PRKN: variants seen among roughly 807,000 people sequenced by gnomAD.
The protein encoded by PRKN is parkin RBR E3 ubiquitin protein ligase.
PRKN carries 56 observed loss-of-function variants against 59.5 expected under a neutral mutation model. That is an observed-to-expected ratio of 0.94 (90% CI 0.76 to 1.18). The LOEUF (loss-of-function observed/expected upper bound fraction) is 1.18. Among genes scored for constraint, PRKN ranks in the 50% most tolerant of loss-of-function variants. The pLI is 0.00. For missense variants in PRKN, 657 were observed against 596.4 expected, an observed-to-expected ratio of 1.10 and a Z score of -1.06; for synonymous variants, 250 against 222.1, an observed-to-expected ratio of 1.13 and a Z score of -1.12.
At chr6:161,615,886 G>A (rs866902783) in intron 7 of PRKN, among the ~76,000 whole-genome samples, 3 of 152,176 alleles carry the variant, frequency 2.0e-5, no homozygotes, top group Non-Finnish European at 2.9e-5. Context: ...CACGTACCCC[G>A]ACCTTTTTGT....
chr6:162,473,508 G>A (rs78541492), intron 1 of PRKN, among the ~76,000 whole-genome samples: 7,104 of 152,170 alleles, frequency 0.047, 251 homozygotes, highest in East Asian at 0.13. Context: ...AGCCACCGAT[G>A]TGGGCCACAT....
At chr6:161,617,334 A>T (rs1391139251) in intron 7 of PRKN, among the ~76,000 whole-genome samples, 1 of 152,068 alleles carries the variant, frequency 6.6e-6, no homozygotes, top group Non-Finnish European at 1.5e-5. Context: ...GAGTGCAAAA[A>T]TTTTCTCCCA....
At position 161,973,326 on chromosome 6, in the gene PRKN, G is replaced by C. The variant is rs1418016570; in HGVS notation, c.710C>G (p.Thr237Ser). Residue 237 changes from threonine to serine, a missense_variant, in exon 6 of 12, where the codon ACT becomes AGT. By Grantham distance (58) the Thr-to-Ser change is moderately conservative (BLOSUM62 1). Coordinates refer to ENST00000366898, the MANE Select transcript of PRKN (RefSeq NM_004562.3). ...HLIATNSRNITCITCTDVRSP... is the reference protein window; with the variant it reads ...HLIATNSRNISCITCTDVRSP... ...CCTGACGTCTGTGCACGTAATGCAA[G>C]TGATGTTCCGACTATTTGTTGCGAT... The C allele has an allele frequency of 6.2e-7, 1 of 1,612,770 alleles. No individual in the cohort carries two copies.
intron 1 of PRKN, among the ~76,000 whole-genome samples, chr6:162,694,267 T>C (rs962210759): frequency 2.7e-5 from 4 of 146,814 alleles, no homozygotes; most frequent in South Asian, 2.1e-4. Flanking sequence ...AGAAGAAATA[T>C]GGAGTGCTGG....
At chr6:162,717,565 C>A (rs1449285378) in intron 1 of PRKN, among the ~76,000 whole-genome samples, 295 of 117,602 alleles carry the variant, frequency 2.5e-3, no homozygotes, top group Middle Eastern at 4.7e-3. Context: ...GATCTTGTCT[C>A]AAAAAAAAAA....
intron 7 of PRKN, among the ~76,000 whole-genome samples, chr6:161,768,113 G>T (rs1326501309): frequency 6.6e-6 from 1 of 150,906 alleles, no homozygotes; most frequent in African/African-American, 2.4e-5. Context: ...CATGAGTTAT[G>T]TCAGAAACAA....
chr6:161,750,462 GAATA>G (rs1190816386), intron 7 of PRKN, among the ~76,000 whole-genome samples: 2 of 151,994 alleles, frequency 1.3e-5, no homozygotes, highest in Non-Finnish European at 2.9e-5. Flanking sequence ...ATCCATAAGT[GAATA>G]AATATTTTAA....
intron 7 of PRKN, among the ~76,000 whole-genome samples, chr6:161,667,602 GGT>G (rs1381168622): frequency 1.3e-5 from 2 of 152,118 alleles, no homozygotes; most frequent in African/African-American, 4.8e-5. Flanking sequence ...GTCAAGAGCT[GGT>G]TTTATCATTC....
chr6:162,119,629 T>C (rs1221453707), intron 4 of PRKN, among the ~76,000 whole-genome samples: 2 of 152,100 alleles, frequency 1.3e-5, no homozygotes, highest in Non-Finnish European at 2.9e-5. Context: ...CAGCTGTTTT[T>C]TCCCCTCCTC....
chr6:161,785,748 G>A lies in PRKN; in HGVS notation c.871+24C>T, dbSNP rs368980636. On this transcript the variant is annotated intron_variant, in intron 7 of 11. Coordinates refer to ENST00000366898, the MANE Select transcript of PRKN (RefSeq NM_004562.3). The stretch of plus-strand genomic sequence containing the variant: ...TCTGTTCTTCATTAGCATTAGAGAT[G>A]GAGAGAAAACATGCTAGACTTACCC... 5.6e-6 allele frequency: 9 copies of A among 1,611,160 alleles called. No individual in the cohort carries two copies. In the African/African-American group the frequency reaches 8.0e-5, roughly 14 times the overall value.
chr6:162,198,931 A>AT (rs1036252476), intron 4 of PRKN, among the ~76,000 whole-genome samples: 9 of 151,970 alleles, frequency 5.9e-5, no homozygotes, highest in Non-Finnish European at 8.8e-5. Flanking sequence ...CTGTTTTTCT[A>AT]TTTTTTTCCC....
At chr6:161,765,943 GA>G (rs939192118) in intron 7 of PRKN, among the ~76,000 whole-genome samples, 11 of 152,282 alleles carry the variant, frequency 7.2e-5, no homozygotes, top group Non-Finnish European at 1.5e-4. Context: ...AATTGTTTTT[GA>G]AGGCAAAGTG....
intron 4 of PRKN, among the ~76,000 whole-genome samples, chr6:162,057,021 C>T (rs1456242601): frequency 1.3e-5 from 2 of 152,082 alleles, no homozygotes; most frequent in Non-Finnish European, 2.9e-5. Flanking sequence ...GACAGGACAG[C>T]AAGTCCTGCA....
intron 7 of PRKN, among the ~76,000 whole-genome samples, chr6:161,674,446 T>C (rs1282876163): frequency 6.6e-6 from 1 of 152,202 alleles, no homozygotes; most frequent in Non-Finnish European, 1.5e-5. Flanking sequence ...AAGGATTTAC[T>C]CCAATAATGA....
chr6:162,402,660 C>CTT (rs35383927), intron 2 of PRKN, among the ~76,000 whole-genome samples: 20 of 144,624 alleles, frequency 1.4e-4, no homozygotes, highest in South Asian at 6.6e-4. Context: ...CTTTTATTTC[C>CTT]TTTTTTTTTT....
chr6:162,187,149 G>C (rs1396199897), intron 4 of PRKN, among the ~76,000 whole-genome samples: 1 of 152,164 alleles, frequency 6.6e-6, no homozygotes, highest in African/African-American at 2.4e-5. Flanking sequence ...TTCTACCCAA[G>C]ATGTCCTGGA....
chr6:162,472,218 T>A (rs1267594935), intron 1 of PRKN, among the ~76,000 whole-genome samples: 5 of 151,896 alleles, frequency 3.3e-5, no homozygotes, highest in African/African-American at 7.2e-5. Context: ...ACTTTTTTTT[T>A]ATATACTTTA....
At chr6:161,751,385 A>C (rs1364351826) in intron 7 of PRKN, among the ~76,000 whole-genome samples, 1 of 152,226 alleles carries the variant, frequency 6.6e-6, no homozygotes, top group Admixed American at 6.5e-5. Flanking sequence ...CGCCTATCAA[A>C]TATTAAAGCC....
chr6:161,659,946 G>A (rs1314053953), intron 7 of PRKN, among the ~76,000 whole-genome samples: 1 of 152,166 alleles, frequency 6.6e-6, no homozygotes, highest in Non-Finnish European at 1.5e-5. Flanking sequence ...CAGAGTTCAG[G>A]TAGGGAGGGG....
Sources: allele counts gnomAD v4.1 joint callset (sites outside exome capture counted in the v4.1 genomes callset), GRCh38; gene constraint gnomAD v4.1.1; transcripts MANE v1.5; gene names NCBI Gene and HGNC (gene_info 2026-07-23, HGNC 2026-07-21).